The following ZFAND3 variants were observed in gnomAD, a reference collection of about 807,000 sequenced individuals.
ZFAND3 encodes the protein zinc finger AN1-type containing 3, also known as AN1-type zinc finger protein 3.
In ZFAND3, 10 loss-of-function variants were observed where a neutral mutation model predicts 29.6. The observed-to-expected ratio is 0.34, with a 90% CI of 0.21 to 0.57. ZFAND3 has a LOEUF of 0.57. Ranked by LOEUF, ZFAND3 falls within the 20% of genes least tolerant of loss-of-function variation. The pLI is 0.86. For synonymous variants in ZFAND3, 128 were observed against 112.6 expected (o/e 1.14, Z -0.87); for missense variants, 230 against 304.5 (o/e 0.76, Z 1.82).
intron 1 of ZFAND3, among the ~76,000 whole-genome samples, chr6:37,827,118 C>G (rs1763775027): frequency 6.6e-6 from 1 of 152,148 alleles, no homozygotes; most frequent in Non-Finnish European, 1.5e-5. Context: ...CTCTAAATTT[C>G]TTTCCGGCCC....
intron 1 of ZFAND3, among the ~76,000 whole-genome samples, chr6:37,821,024 TGTTTTA>T: frequency 6.6e-6 from 1 of 152,346 alleles, no homozygotes; most frequent in Admixed American, 6.5e-5. Context: ...TTTATCGTTT[TGTTTTA>T]GTTTTATTTT....
chr6:37,875,106 C>T (rs1472875521), intron 1 of ZFAND3, among the ~76,000 whole-genome samples: 1 of 152,138 alleles, frequency 6.6e-6, no homozygotes, highest in East Asian at 1.9e-4. Context: ...TGAAGGACAG[C>T]AGTTTATACT....
chr6:37,923,031 G>C (rs1475754136), intron 1 of ZFAND3, among the ~76,000 whole-genome samples: 5 of 152,132 alleles, frequency 3.3e-5, no homozygotes. Flanking sequence ...TTAAACTGAT[G>C]ACTCTTTTGT....
At position 37,890,843 on chromosome 6, in the gene ZFAND3, T is replaced by G. The variant is rs1267556128; in HGVS notation, c.72-39116T>G. Among the ~76,000 whole-genome samples, 5 of 152,380 alleles carry G rather than the reference T, an allele frequency of 3.3e-5. No homozygotes were observed. The East Asian group carries it at 9.6e-4, about 29-fold the overall frequency. On this transcript the variant is annotated intron_variant, in intron 1 of 5. Coordinates refer to ENST00000287218, the MANE Select transcript of ZFAND3 (RefSeq NM_021943.3). ...ATTCAATTTTTATTTTGAAACAATT[T>G]AAACTATCTTGACAATTCATCCTAG...
intron 2 of ZFAND3, among the ~76,000 whole-genome samples, chr6:38,014,283 ATAG>A (rs1037560202): frequency 7.1e-4 from 108 of 151,558 alleles, no homozygotes; most frequent in African/African-American, 2.5e-3. Flanking sequence ...AATTGGTGAA[ATAG>A]TAGAGATTTT....
At chr6:38,010,814 T>C (rs1417361450) in intron 2 of ZFAND3, among the ~76,000 whole-genome samples, 1 of 151,938 alleles carries the variant, frequency 6.6e-6, no homozygotes, top group Non-Finnish European at 1.5e-5. Context: ...TTGGCCAGGT[T>C]GGTCTCAAAC....
chr6:38,134,964 T>C (rs1765812139), intron 5 of ZFAND3, among the ~76,000 whole-genome samples: 1 of 152,218 alleles, frequency 6.6e-6, no homozygotes, highest in Non-Finnish European at 1.5e-5. Context: ...TAGAGGTCAG[T>C]ATATCTGCCA....
At chr6:37,993,153 T>C (rs1424643543) in intron 2 of ZFAND3, among the ~76,000 whole-genome samples, 1 of 152,160 alleles carries the variant, frequency 6.6e-6, no homozygotes, top group Non-Finnish European at 1.5e-5. Context: ...GATTAAAATT[T>C]TTATCGTTAA....
At chr6:37,828,342 T>C (rs992116024) in intron 1 of ZFAND3, among the ~76,000 whole-genome samples, 3 of 152,224 alleles carry the variant, frequency 2.0e-5, no homozygotes, top group Non-Finnish European at 4.4e-5. Flanking sequence ...TGGGCTTTGC[T>C]GTCAGTTCTG....
chr6:38,088,124 A>G (rs1261018525), intron 4 of ZFAND3, among the ~76,000 whole-genome samples: 1 of 152,226 alleles, frequency 6.6e-6, no homozygotes. Context: ...CTAAGTATCT[A>G]CCAACAGATG....
intron 1 of ZFAND3, among the ~76,000 whole-genome samples, chr6:37,857,099 T>C (rs967079369): frequency 4.6e-5 from 7 of 152,136 alleles, no homozygotes; most frequent in African/African-American, 9.7e-5. Flanking sequence ...AACGCCACCA[T>C]GTCTGGCCTT....
At chr6:37,843,012 C>T (rs1383534793) in intron 1 of ZFAND3, among the ~76,000 whole-genome samples, 5 of 151,574 alleles carry the variant, frequency 3.3e-5, no homozygotes, top group Non-Finnish European at 7.4e-5. Context: ...ATCCCAGCTG[C>T]TCAGGAGGTT....
rs1764245804 is a variant in ZFAND3 at position 38,061,769 on chromosome 6, G to A, written c.289G>A (p.Glu97Lys). ...TELNVTSPSK[E>K]ECGPCTDTAH... ...ACTGAATGTAACTTCACCGAGTAAAGAGGAGTGTAAGTGTCTGGCTTCTGA... is the reference window on the plus strand; with the variant it reads ...ACTGAATGTAACTTCACCGAGTAAAAAGGAGTGTAAGTGTCTGGCTTCTGA... Residue 97 changes from glutamate (E) to lysine (K), a missense_variant, in exon 3 of 6, where the codon GAG becomes AAG. By Grantham distance (56) the Glu-to-Lys change is moderately conservative (BLOSUM62 1). This residue lies in a region of ZFAND3 where 180 missense variants were observed against 202.5 expected (regional missense o/e 0.89). Coordinates refer to ENST00000287218, the MANE Select transcript of ZFAND3 (RefSeq NM_021943.3). 6.2e-7 allele frequency: 1 copy of A among 1,614,112 alleles called. No homozygotes were observed. The highest frequency in any genetic ancestry group is 8.5e-7 in the Non-Finnish European group (1 of 1,180,006).
At position 37,911,707 on chromosome 6, in the gene ZFAND3, A is replaced by G. The variant is rs567527577; in HGVS notation, c.72-18252A>G. Among the ~76,000 whole-genome samples, 10 of 152,332 alleles carry G rather than the reference A, an allele frequency of 6.6e-5. No homozygotes were observed. The South Asian group carries it at 1.9e-3, about 28-fold the overall frequency. On this transcript the variant is annotated intron_variant, in intron 1 of 5. Transcript: ENST00000287218. The stretch of plus-strand genomic sequence containing the variant: ...AACTGATTATATTATCTACAGTAAC[A>G]GAACAGGCATAATTATAAGGCAGAT...
chr6:37,973,328 T>C (rs968074128), intron 2 of ZFAND3, among the ~76,000 whole-genome samples: 1 of 152,224 alleles, frequency 6.6e-6, no homozygotes, highest in Non-Finnish European at 1.5e-5. Context: ...GTGGCCTCAG[T>C]ACCTAAACTT....
chr6:38,060,975 C>G (rs894571963), intron 2 of ZFAND3, among the ~76,000 whole-genome samples: 1 of 152,044 alleles, frequency 6.6e-6, no homozygotes, highest in African/African-American at 2.4e-5. Flanking sequence ...GAAAAAAATC[C>G]ACGTGCAAGT....
At chr6:38,026,008 C>G (rs188627369) in intron 2 of ZFAND3, among the ~76,000 whole-genome samples, 1 of 152,246 alleles carries the variant, frequency 6.6e-6, no homozygotes, top group Non-Finnish European at 1.5e-5. Context: ...AACTATTGAA[C>G]TATTGAATTG....
In ZFAND3 at chr6:38,152,503, C is replaced by T. The variant is rs975293364; in HGVS notation, c.*114C>T. The T allele has an allele frequency of 4.2e-5, 58 of 1,371,184 alleles. No homozygotes were observed. The highest frequency in any genetic ancestry group is 4.9e-5 in the Non-Finnish European group (52 of 1,061,182). 84.9% of individuals were successfully genotyped at this position (1,371,184 alleles called of 1,614,324 possible). A position where few individuals can be genotyped will look rare whatever the true frequency, so the allele number is the denominator to read the frequency against. On this transcript the variant is annotated 3_prime_UTR_variant, in exon 6 of 6. Transcript: ENST00000287218. ...GGCACGCGTCAGACTGCAGCCAGTC[C>T]GTTTCCTTTCTTTAGCCAGCCATCC...
At chr6:37,886,089 C>G (rs1764984215) in intron 1 of ZFAND3, among the ~76,000 whole-genome samples, 1 of 151,412 alleles carries the variant, frequency 6.6e-6, no homozygotes, top group African/African-American at 2.4e-5. Flanking sequence ...AATACAAAAA[C>G]CAGCCGGGCG....
Sources: allele counts gnomAD v4.1 joint callset (sites outside exome capture counted in the v4.1 genomes callset), GRCh38; gene constraint gnomAD v4.1.1; regional missense constraint gnomAD v4.1.1; transcripts MANE v1.5; gene names NCBI Gene and HGNC (gene_info 2026-07-23, HGNC 2026-07-21).